The following SLC1A2 variants were observed in gnomAD, a reference collection of about 807,000 sequenced individuals.
SLC1A2 encodes excitatory amino acid transporter 2.
A neutral mutation model predicts 48.8 loss-of-function variants in SLC1A2; 15 were observed. The observed-to-expected ratio is 0.31, with a 90% CI of 0.21 to 0.47. The LOEUF is 0.47. SLC1A2 is among the 20% of genes least tolerant of loss of function. The pLI is 0.99. For synonymous variants in SLC1A2, 279 were observed against 272.6 expected, an observed-to-expected ratio of 1.02 and a Z score of -0.23; for missense variants, 502 against 730.5, an observed-to-expected ratio of 0.69 and a Z score of 3.61.
intron 1 of SLC1A2, among the ~76,000 whole-genome samples, chr11:35,331,658 C>T (rs538181923): frequency 2.7e-4 from 41 of 152,336 alleles, no homozygotes; most frequent in Non-Finnish European, 5.4e-4. Context: ...TCCTCTTGCA[C>T]GATCCATTCT....
intron 1 of SLC1A2, among the ~76,000 whole-genome samples, chr11:35,318,949 A>G (rs1851971478): frequency 6.6e-6 from 1 of 152,232 alleles, no homozygotes; most frequent in African/African-American, 2.4e-5. Flanking sequence ...TGCTTAATAT[A>G]CTTGCTACCC....
intron 6 of SLC1A2, 45 bp from the exon 7 acceptor site, chr11:35,292,565 G>A (rs1321824452): frequency 7.8e-7 from 1 of 1,285,720 alleles, no homozygotes; most frequent in Non-Finnish European, 1.1e-6. Flanking sequence ...AGATCATTAG[G>A]GATTCAGAAC....
chr11:35,331,813 C>A (rs1252843189), intron 1 of SLC1A2, among the ~76,000 whole-genome samples: 2 of 152,184 alleles, frequency 1.3e-5, no homozygotes, highest in African/African-American at 4.8e-5. Context: ...ACTTTTCATG[C>A]CTCTGAGATC....
chr11:35,315,256 T>C (rs1440682649), intron 2 of SLC1A2, 81 bp from the exon 3 acceptor site: 10 of 1,008,746 alleles, frequency 9.9e-6, no homozygotes, highest in Non-Finnish European at 1.5e-5. Flanking sequence ...TTCAGCAACA[T>C]TGACCTTTCT....
chr11:35,298,287 A>G (rs879617161), intron 6 of SLC1A2: 1 of 152,244 alleles, frequency 6.6e-6, no homozygotes, highest in Non-Finnish European at 1.5e-5. Flanking sequence ...TGTAACCGAA[A>G]TAGTACTGAG....
In SLC1A2 at chr11:35,306,269, A is replaced by C. The variant is rs755346600; in HGVS notation, c.562-27T>G. On this transcript the variant is annotated intron_variant, in intron 4 of 10. Transcript: ENST00000278379. ...TAACAGAGTGAGGGAAAAAAGGCATAGAGCTGAGATTTGGCCTATAAGGTG... is the reference window on the plus strand; with the variant it reads ...TAACAGAGTGAGGGAAAAAAGGCATCGAGCTGAGATTTGGCCTATAAGGTG... 21 of 1,593,596 alleles carry C rather than the reference A, an allele frequency of 1.3e-5. No homozygotes were observed. In the Admixed American group the frequency reaches 2.0e-4, roughly 15 times the overall value.
At chr11:35,284,374 T>G (rs1005595295) in intron 8 of SLC1A2, among the ~76,000 whole-genome samples, 3 of 152,090 alleles carry the variant, frequency 2.0e-5, no homozygotes, top group African/African-American at 7.2e-5. Context: ...TTTGGAAACT[T>G]AAATTATAGT....
At chr11:35,300,524 C>T (rs1221024087) in intron 6 of SLC1A2, among the ~76,000 whole-genome samples, 1 of 152,194 alleles carries the variant, frequency 6.6e-6, no homozygotes, top group Non-Finnish European at 1.5e-5. Context: ...CATGTGAGAG[C>T]ACACACAAAG....
At chr11:35,384,969 T>C (rs1484727808) in intron 1 of SLC1A2, among the ~76,000 whole-genome samples, 1 of 152,214 alleles carries the variant, frequency 6.6e-6, no homozygotes, top group Non-Finnish European at 1.5e-5. Flanking sequence ...ACACCACTTG[T>C]AGAAAGGCAG....
chr11:35,416,669 G>A (rs1200672049), intron 1 of SLC1A2, among the ~76,000 whole-genome samples: 2 of 152,152 alleles, frequency 1.3e-5, no homozygotes, highest in South Asian at 2.1e-4. Flanking sequence ...TAAATTGAAA[G>A]CATATAACTA....
At chr11:35,341,976 C>A (rs1852856136) in intron 1 of SLC1A2, among the ~76,000 whole-genome samples, 1 of 152,004 alleles carries the variant, frequency 6.6e-6, no homozygotes, top group African/African-American at 2.4e-5. Context: ...GGAAAAATAT[C>A]TAAGATGTAT....
chr11:35,366,308 A>G (rs888657238), intron 1 of SLC1A2, among the ~76,000 whole-genome samples: 2 of 152,046 alleles, frequency 1.3e-5, no homozygotes, highest in Non-Finnish European at 2.9e-5. Flanking sequence ...TGTCCCTCTA[A>G]TGCACTCCAG....
chr11:35,302,701 T>A (rs1851390765), intron 5 of SLC1A2, among the ~76,000 whole-genome samples: 1 of 151,738 alleles, frequency 6.6e-6, no homozygotes, highest in Admixed American at 6.6e-5. Context: ...TTCCTACCAC[T>A]CCTGTTGGTC....
At chr11:35,331,499 G>A (rs751040614) in intron 1 of SLC1A2, among the ~76,000 whole-genome samples, 1 of 152,170 alleles carries the variant, frequency 6.6e-6, no homozygotes, top group Non-Finnish European at 1.5e-5. Flanking sequence ...GATAAACTGA[G>A]CCATCCAGTC....
chr11:35,302,656 CTT>C (rs757228657), intron 5 of SLC1A2, among the ~76,000 whole-genome samples: 2 of 152,046 alleles, frequency 1.3e-5, no homozygotes, highest in African/African-American at 2.4e-5. Flanking sequence ...CTGCCCTACA[CTT>C]TAGTTCCTCC....
At chr11:35,416,632 A>G (rs1923292) in intron 1 of SLC1A2, among the ~76,000 whole-genome samples, 57,258 of 152,066 alleles carry the variant, frequency 0.38, 11,990 homozygotes, top group East Asian at 0.55. Flanking sequence ...AACATTCTGG[A>G]TCAAACAAAG....
intron 9 of SLC1A2, among the ~76,000 whole-genome samples, chr11:35,272,576 A>G (rs1850310155): frequency 6.6e-6 from 1 of 152,216 alleles, no homozygotes; most frequent in South Asian, 2.1e-4. Flanking sequence ...AAGGCAGGAC[A>G]TGGGAGTTTG....
intron 1 of SLC1A2, among the ~76,000 whole-genome samples, chr11:35,381,334 G>T (rs1355103624): frequency 6.6e-6 from 1 of 152,134 alleles, no homozygotes; most frequent in Non-Finnish European, 1.5e-5. Context: ...ACTTTCCATT[G>T]CTGAAATCAT....
At chr11:35,346,697 T>A (rs1243806472) in intron 1 of SLC1A2, among the ~76,000 whole-genome samples, 2 of 152,270 alleles carry the variant, frequency 1.3e-5, no homozygotes, top group Non-Finnish European at 2.9e-5. Flanking sequence ...TAAGATCCTC[T>A]GCTCATGGCA....
Sources: allele counts gnomAD v4.1 joint callset (sites outside exome capture counted in the v4.1 genomes callset), GRCh38; gene constraint gnomAD v4.1.1; transcripts MANE v1.5; gene names NCBI Gene and HGNC (gene_info 2026-07-23, HGNC 2026-07-21).